Variants in PGPEP1L observed in about 807,000 individuals in gnomAD.
The protein encoded by PGPEP1L is pyroglutamyl-peptidase I like.
In PGPEP1L, 7 loss-of-function variants were observed where a neutral mutation model predicts 6.0. The ratio of observed to expected loss-of-function variants is 1.17; its 90% CI spans 0.66 to 2.19. The LOEUF (loss-of-function observed/expected upper bound fraction) is 2.19, where lower values mean the gene tolerates loss of function less well. Among genes scored for constraint, PGPEP1L ranks in the 30% most tolerant of loss-of-function variants. PGPEP1L has a pLI of 0.00. For missense variants in PGPEP1L, 209 were observed against 192.5 expected, an observed-to-expected ratio of 1.09 and a Z score of -0.51; for synonymous variants, 103 against 83.9, an observed-to-expected ratio of 1.23 and a Z score of -1.24.
At chr15:99,001,271 G>C (rs559694298) in intron 2 of PGPEP1L, 4 of 267,070 alleles carry the variant, frequency 1.5e-5, no homozygotes, top group South Asian at 9.5e-5. Flanking sequence ...GCTCAACCTT[G>C]AAAACATGCT....
chr15:98,969,698 A>AC (rs774679873), intron 3 of PGPEP1L, 47 bp from the exon 4 acceptor site: 5 of 1,580,028 alleles, frequency 3.2e-6, no homozygotes, highest in Non-Finnish European at 2.6e-6. Flanking sequence ...AACGAGGCCC[A>AC]CCCTGCTCAC....
intron 2 of PGPEP1L, chr15:99,001,085 C>A (rs552237385): frequency 5.2e-6 from 2 of 386,494 alleles, no homozygotes. Context: ...CCTGAGCCAG[C>A]AAGACCATGA....
chr15:98,970,463 G>A (rs2017476955), intron 3 of PGPEP1L, among the ~76,000 whole-genome samples: 1 of 147,902 alleles, frequency 6.8e-6, no homozygotes, highest in Non-Finnish European at 1.5e-5. Flanking sequence ...GCCCAAGTAT[G>A]TTATCAAAAC....
intron 2 of PGPEP1L, among the ~76,000 whole-genome samples, chr15:98,983,568 C>A (rs2017700427): frequency 6.6e-6 from 1 of 152,134 alleles, no homozygotes; most frequent in Non-Finnish European, 1.5e-5. Flanking sequence ...CATGTAATTT[C>A]TTTTGAATGA....
intron 2 of PGPEP1L, among the ~76,000 whole-genome samples, chr15:98,989,173 T>C (rs1414660633): frequency 6.6e-6 from 1 of 152,082 alleles, no homozygotes; most frequent in African/African-American, 2.4e-5. Context: ...AGGTGGATAA[T>C]AACAAACTCC....
At chr15:99,005,377 G>A (rs2018037054) in intron 2 of PGPEP1L, 52 bp downstream of exon 2, 2 of 152,564 alleles carry the variant, frequency 1.3e-5, no homozygotes, top group South Asian at 2.1e-4. Flanking sequence ...GCATTCCAGG[G>A]GCAGGCTAAA....
At position 98,968,433 on chromosome 15, in the gene PGPEP1L, A is replaced by G; in HGVS notation, c.*45T>C. 6.4e-7 allele frequency: 1 copy of G among 1,569,926 alleles called. No homozygotes were observed. Among genetic ancestry groups the G allele is most frequent in the East Asian group, 2.3e-5 (1 of 43,914 alleles). On this transcript the variant is annotated 3_prime_UTR_variant, in exon 5 of 5. Transcript: ENST00000535714. The stretch of plus-strand genomic sequence containing the variant: ...CTCAATGCACAGTTGAGTGCTACAT[A>G]CAGGATTGAAACATTCAATTTTCTC...
intron 2 of PGPEP1L, among the ~76,000 whole-genome samples, chr15:98,983,766 A>T (rs2017703092): frequency 6.6e-6 from 1 of 152,190 alleles, no homozygotes; most frequent in Non-Finnish European, 1.5e-5. Flanking sequence ...GGGAGTTTGT[A>T]GGAACTGCCT....
In PGPEP1L at chr15:98,996,658, T is replaced by C. The variant is rs145481607; in HGVS notation, c.-142+8771A>G. Among the ~76,000 whole-genome samples, 25 of 152,294 alleles carry C rather than the reference T, an allele frequency of 1.6e-4. No individual in the cohort carries two copies. In the East Asian group the frequency reaches 4.2e-3, roughly 26 times the overall value. On this transcript the variant is annotated intron_variant, in intron 2 of 4. Transcript: ENST00000535714. ...TGTGTGCATGTTGTATATGTATATA[T>C]GCATGCACGTGTGTATGCCTGTGTA...
At chr15:98,978,724 A>ATTT (rs1341474662) in intron 2 of PGPEP1L, among the ~76,000 whole-genome samples, 12 of 69,658 alleles carry the variant, frequency 1.7e-4, no homozygotes, top group African/African-American at 6.2e-4. Context: ...ATATATATAT[A>ATTT]TATTTTTTTT....
chr15:98,985,144 C>T lies in PGPEP1L; in HGVS notation c.-141-13986G>A, dbSNP rs528009353. Among the ~76,000 whole-genome samples, 35 of 152,272 alleles carry T rather than the reference C, an allele frequency of 2.3e-4. 1 individual carries two copies. The highest frequency in any genetic ancestry group is 2.2e-3 in the Admixed American group (34 of 15,302). On this transcript the variant is annotated intron_variant, in intron 2 of 4. Coordinates refer to ENST00000535714, the MANE Select transcript of PGPEP1L (RefSeq NM_001167902.2). ...ATATGAACTCACGGCACAGGGACAG[C>T]CATGAAGAGATGGATATAGGGCTGA...
intron 2 of PGPEP1L, among the ~76,000 whole-genome samples, chr15:98,996,027 G>A (rs1270721882): frequency 2.6e-5 from 4 of 152,050 alleles, no homozygotes; most frequent in Non-Finnish European, 5.9e-5. Flanking sequence ...TTAAATTTCT[G>A]TAAGTTTTAT....
intron 2 of PGPEP1L, among the ~76,000 whole-genome samples, chr15:99,004,579 G>A (rs1487214363): frequency 1.3e-5 from 2 of 152,094 alleles, no homozygotes; most frequent in Non-Finnish European, 2.9e-5. Context: ...TTAGCTGGGC[G>A]TGGTGGTGCG....
chr15:98,972,651 G>A (rs1371841217), intron 2 of PGPEP1L, among the ~76,000 whole-genome samples: 4 of 151,756 alleles, frequency 2.6e-5, no homozygotes, highest in Admixed American at 6.6e-5. Flanking sequence ...GGTGGATCAC[G>A]AGGTCAGGAG....
chr15:99,002,698 C>T (rs1555473193), intron 2 of PGPEP1L, among the ~76,000 whole-genome samples: 1 of 152,104 alleles, frequency 6.6e-6, no homozygotes, highest in Non-Finnish European at 1.5e-5. Flanking sequence ...GGGAGACTAG[C>T]CAGTGCCAGA....
In PGPEP1L at chr15:98,977,682, A is replaced by G. The variant is rs563799902; in HGVS notation, c.-141-6524T>C. On this transcript the variant is annotated intron_variant, in intron 2 of 4. Transcript: ENST00000535714. ...TGGGTGGAGTGTTCTACAAATGTCA[A>G]TGAGGTCTGGTAGGTTGGTAGTGTT... Among the ~76,000 whole-genome samples, 3 of 152,306 alleles carry G rather than the reference A, an allele frequency of 2.0e-5. No individual in the cohort carries two copies. In the South Asian group the frequency reaches 6.2e-4, roughly 32 times the overall value.
chr15:98,969,917 G>A (rs555577720), intron 3 of PGPEP1L, among the ~76,000 whole-genome samples: 19 of 152,224 alleles, frequency 1.2e-4, no homozygotes, highest in African/African-American at 4.6e-4. Context: ...ATTCTTACAG[G>A]GTAATGTATT....
Position 99,000,058 on chromosome 15 carries a change from C to T in PGPEP1L, c.-142+5371G>A, listed in dbSNP as rs1338389160. On this transcript the variant is annotated intron_variant, in intron 2 of 4. Coordinates refer to ENST00000535714, the MANE Select transcript of PGPEP1L (RefSeq NM_001167902.2). ...GCAGGGAGGCGTGGAGGGAGAGGCG[C>T]GGGCGGGAACCGGGGCTGCGTGCAG... Among the ~76,000 whole-genome samples the T allele has an allele frequency of 7.2e-5, 11 of 152,216 alleles. 1 individual carries two copies. Among genetic ancestry groups the T allele is most frequent in the South Asian group, 4.1e-4 (2 of 4,834 alleles).
rs189118131 is a variant in PGPEP1L, at chr15:98,973,997, T to C, written c.-141-2839A>G. On this transcript the variant is annotated intron_variant, in intron 2 of 4. Coordinates refer to ENST00000535714, the MANE Select transcript of PGPEP1L (RefSeq NM_001167902.2). ...AGACCCAAATACATAAAATTTGATA[T>C]GAAAAAGGAGACATTAAAATCGATA... 8.5e-4 allele frequency among the ~76,000 whole-genome samples: 130 copies of C among 152,214 alleles called. 1 individual carries two copies. The East Asian group carries it at 0.018, about 21-fold the overall frequency.
Sources: allele counts gnomAD v4.1 joint callset (sites outside exome capture counted in the v4.1 genomes callset), GRCh38; gene constraint gnomAD v4.1.1; transcripts MANE v1.5; gene names NCBI Gene and HGNC (gene_info 2026-07-23, HGNC 2026-07-21).